The following AFF3 variants were observed in gnomAD, a reference collection of about 807,000 sequenced individuals.
AFF3 encodes the protein ALF transcription elongation factor 3.
Under a neutral mutation model 129.7 loss-of-function variants are expected in AFF3, and 32 were observed. The observed-to-expected ratio is 0.25, with a 90% CI of 0.19 to 0.33. AFF3 has a LOEUF of 0.33. AFF3 is among the 10% of genes least tolerant of loss of function. AFF3 has a pLI of 1.00. For synonymous variants in AFF3, 644 were observed against 635.4 expected (o/e 1.01, Z -0.20); for missense variants, 1,373 against 1,592.0 (o/e 0.86, Z 2.34).
chr2:100,000,333 G>T (rs1681264774), intron 7 of AFF3, among the ~76,000 whole-genome samples: 1 of 152,130 alleles, frequency 6.6e-6, no homozygotes, highest in African/African-American at 2.4e-5. Context: ...GAAAAAGAGA[G>T]AAAAGGTGAT....
At chr2:99,978,543 T>TC (rs1187242100) in intron 7 of AFF3, among the ~76,000 whole-genome samples, 1 of 151,868 alleles carries the variant, frequency 6.6e-6, no homozygotes, top group Non-Finnish European at 1.5e-5. Context: ...AACATCATTC[T>TC]CCCCCCAGAC....
At chr2:99,667,433 A>T (rs1459217499) in intron 12 of AFF3, among the ~76,000 whole-genome samples, 1 of 152,188 alleles carries the variant, frequency 6.6e-6, no homozygotes, top group Non-Finnish European at 1.5e-5. Context: ...TCAAATCAAT[A>T]ATCTAATCTC....
chr2:99,615,130 T>C (rs930879808), intron 13 of AFF3, among the ~76,000 whole-genome samples: 3 of 152,222 alleles, frequency 2.0e-5, no homozygotes, highest in African/African-American at 7.2e-5. Context: ...GTCCTTCAGA[T>C]GGAAGTGTTC....
chr2:99,598,104 G>C (rs1575466977), intron 14 of AFF3, among the ~76,000 whole-genome samples: 1 of 152,120 alleles, frequency 6.6e-6, no homozygotes, highest in East Asian at 1.9e-4. Flanking sequence ...ATCAATCTGG[G>C]AAATGCCACA....
intron 4 of AFF3, among the ~76,000 whole-genome samples, chr2:100,040,474 A>C (rs1043305886): frequency 1.3e-5 from 2 of 152,232 alleles, no homozygotes; most frequent in Non-Finnish European, 2.9e-5. Context: ...GTTAAGAGGC[A>C]GAGGGAAAAC....
At position 99,628,622 on chromosome 2, in the gene AFF3, T is replaced by C. The variant is rs1311412549; in HGVS notation, c.1184+21004A>G. On this transcript the variant is annotated intron_variant, in intron 13 of 24. Transcript: ENST00000672756. ...CCCATGCTGGAGTGCACTGGCGTGA[T>C]CTTGGCTCACTGCAACTGCCACTTC... Among the ~76,000 whole-genome samples, 4 of 151,934 alleles carry C rather than the reference T, an allele frequency of 2.6e-5. No homozygotes were observed. In the South Asian group the frequency reaches 6.2e-4, roughly 24 times the overall value.
chr2:99,983,579 C>A (rs991944983), intron 7 of AFF3, among the ~76,000 whole-genome samples: 5 of 152,146 alleles, frequency 3.3e-5, no homozygotes, highest in Non-Finnish European at 7.3e-5. Context: ...GAGGGGAGAA[C>A]CTCAAGGGCA....
intron 7 of AFF3, among the ~76,000 whole-genome samples, chr2:99,940,141 T>C (rs900784281): frequency 6.6e-6 from 1 of 152,090 alleles, no homozygotes; most frequent in Non-Finnish European, 1.5e-5. Context: ...TTTCCAGACA[T>C]GTGTGTGTGA....
intron 1 of AFF3, among the ~76,000 whole-genome samples, chr2:100,137,904 A>T (rs1692699742): frequency 6.6e-6 from 1 of 152,206 alleles, no homozygotes; most frequent in Non-Finnish European, 1.5e-5. Context: ...CAGGTCTTTA[A>T]GAGAATTCCT....
intron 7 of AFF3, among the ~76,000 whole-genome samples, chr2:99,843,287 T>G (rs1399969327): frequency 6.6e-6 from 1 of 152,192 alleles, no homozygotes; most frequent in Non-Finnish European, 1.5e-5. Flanking sequence ...TCTCCCAAAT[T>G]CAGCCTGTCT....
intron 19 of AFF3, 52 bp downstream of exon 19, chr2:99,568,800 T>G (rs1313679307): frequency 1.3e-6 from 2 of 1,536,314 alleles, no homozygotes; most frequent in Admixed American, 1.7e-5. Flanking sequence ...GTGATGAAGC[T>G]GCAGTACACA....
chr2:99,935,786 C>G (rs1008805947), intron 7 of AFF3, among the ~76,000 whole-genome samples: 6 of 152,210 alleles, frequency 3.9e-5, no homozygotes, highest in African/African-American at 1.4e-4. Flanking sequence ...TGTTGAGCAT[C>G]ACCTGGGCAT....
At chr2:100,031,037 T>G (rs1018578936) in intron 4 of AFF3, among the ~76,000 whole-genome samples, 1 of 152,170 alleles carries the variant, frequency 6.6e-6, no homozygotes, top group African/African-American at 2.4e-5. Context: ...ATTATACATA[T>G]GCATTTTAAA....
At chr2:99,754,058 T>C (rs1432397886) in intron 8 of AFF3, among the ~76,000 whole-genome samples, 10 of 152,192 alleles carry the variant, frequency 6.6e-5, no homozygotes, top group Admixed American at 5.2e-4. Context: ...AGAGTGTTAC[T>C]ACCCGATTAA....
chr2:100,022,460 G>T (rs1683669245), intron 4 of AFF3, among the ~76,000 whole-genome samples: 1 of 152,076 alleles, frequency 6.6e-6, no homozygotes, highest in Non-Finnish European at 1.5e-5. Context: ...CCCCCGGCTG[G>T]AGTGCAGTGG....
chr2:99,731,933 G>A (rs1358776895), intron 10 of AFF3, among the ~76,000 whole-genome samples: 5 of 152,196 alleles, frequency 3.3e-5, no homozygotes, highest in Non-Finnish European at 5.9e-5. Context: ...TACATGAAAT[G>A]TATATAGACA....
intron 13 of AFF3, among the ~76,000 whole-genome samples, chr2:99,638,704 G>C (rs558450989): frequency 4.6e-5 from 7 of 152,182 alleles, no homozygotes; most frequent in Non-Finnish European, 2.9e-5. Flanking sequence ...TATGAGAAAG[G>C]GGGCATCTGG....
intron 7 of AFF3, among the ~76,000 whole-genome samples, chr2:99,944,745 C>T (rs1017164041): frequency 2.6e-5 from 4 of 152,122 alleles, no homozygotes; most frequent in African/African-American, 4.8e-5. Context: ...AGAGCTGCCA[C>T]GGGGCTCGCC....
At chr2:99,961,030 A>T (rs2104323252) in intron 7 of AFF3, among the ~76,000 whole-genome samples, 1 of 152,254 alleles carries the variant, frequency 6.6e-6, no homozygotes, top group East Asian at 1.9e-4. Context: ...ACTGGAACTC[A>T]CATTGAGCCA....
Sources: allele counts gnomAD v4.1 joint callset (sites outside exome capture counted in the v4.1 genomes callset), GRCh38; gene constraint gnomAD v4.1.1; transcripts MANE v1.5; gene names NCBI Gene and HGNC (gene_info 2026-07-23, HGNC 2026-07-21).